Variants in PTPRM observed in about 807,000 individuals in gnomAD.
PTPRM encodes receptor-type tyrosine-protein phosphatase mu.
A neutral mutation model predicts 186.7 loss-of-function variants in PTPRM; 47 were observed. The ratio of observed to expected loss-of-function variants is 0.25; its 90% CI spans 0.20 to 0.32. The LOEUF is 0.32. Among genes scored for constraint, PTPRM ranks in the 10% least tolerant of loss-of-function variants. The pLI, the probability that PTPRM is intolerant of heterozygous loss-of-function variation, is 1.00. For synonymous variants in PTPRM, 668 were observed against 674.9 expected (o/e 0.99, Z 0.16); for missense variants, 1,494 against 1,865.0 (o/e 0.80, Z 3.66).
At chr18:8,095,555 C>T (rs940140826) in intron 11 of PTPRM, among the ~76,000 whole-genome samples, 15 of 151,852 alleles carry the variant, frequency 9.9e-5, no homozygotes, top group African/African-American at 3.6e-4. Flanking sequence ...GGATTCAGGT[C>T]AGGGAAAAAA....
At chr18:7,990,478 T>G (rs2083207116) in intron 7 of PTPRM, among the ~76,000 whole-genome samples, 1 of 152,248 alleles carries the variant, frequency 6.6e-6, no homozygotes, top group Non-Finnish European at 1.5e-5. Context: ...AATGATAGTA[T>G]TTTTGAGTGA....
chr18:8,195,152 C>CTTTTTTTTTTTTTT (rs1164451439), intron 14 of PTPRM, among the ~76,000 whole-genome samples: 1 of 117,066 alleles, frequency 8.5e-6, no homozygotes. Context: ...CTTAGAAGTT[C>CTTTTTTTTTTTTTT]TTTTTTTTTT....
intron 29 of PTPRM, among the ~76,000 whole-genome samples, chr18:8,383,839 G>A (rs1314166860): frequency 2.6e-5 from 4 of 152,198 alleles, no homozygotes; most frequent in Non-Finnish European, 4.4e-5. Context: ...CCAGCAGAGC[G>A]TGGAGATCTG....
chr18:8,209,431 C>G (rs749939552), intron 14 of PTPRM, among the ~76,000 whole-genome samples: 1 of 152,106 alleles, frequency 6.6e-6, no homozygotes, highest in Non-Finnish European at 1.5e-5. Flanking sequence ...TCAGCTTGAG[C>G]AACTACAAAG....
chr18:7,576,460 T>C (rs993937258), intron 1 of PTPRM, among the ~76,000 whole-genome samples: 4 of 152,074 alleles, frequency 2.6e-5, no homozygotes, highest in Non-Finnish European at 2.9e-5. Flanking sequence ...ACCCTTTGTA[T>C]AGTCTGTGTT....
chr18:7,663,082 A>T (rs1358088468), intron 1 of PTPRM, among the ~76,000 whole-genome samples: 1 of 151,940 alleles, frequency 6.6e-6, no homozygotes, highest in African/African-American at 2.4e-5. Context: ...CAGGACGTGG[A>T]CTCTGAGGGC....
intron 19 of PTPRM, among the ~76,000 whole-genome samples, chr18:8,281,907 A>C (rs908398303): frequency 6.6e-6 from 1 of 152,110 alleles, no homozygotes; most frequent in Non-Finnish European, 1.5e-5. Flanking sequence ...ATTCTTAGCC[A>C]TTACACCAAA....
At chr18:8,229,481 T>A (rs2094257270) in intron 14 of PTPRM, among the ~76,000 whole-genome samples, 1 of 152,224 alleles carries the variant, frequency 6.6e-6, no homozygotes, top group African/African-American at 2.4e-5. Flanking sequence ...CTTAATTTTT[T>A]AGTTCTGAAA....
intron 14 of PTPRM, among the ~76,000 whole-genome samples, chr18:8,197,100 A>G (rs546802148): frequency 6.6e-6 from 1 of 152,358 alleles, no homozygotes; most frequent in African/African-American, 2.4e-5. Flanking sequence ...GTTTATGCCC[A>G]TAAGAAATAT....
At chr18:7,892,768 G>A (rs1025791665) in intron 3 of PTPRM, among the ~76,000 whole-genome samples, 5 of 152,158 alleles carry the variant, frequency 3.3e-5, no homozygotes, top group African/African-American at 4.8e-5. Context: ...AGCATCGTCC[G>A]ATTCTGGTGA....
chr18:7,735,644 T>C (rs1001269144), intron 1 of PTPRM, among the ~76,000 whole-genome samples: 4 of 152,190 alleles, frequency 2.6e-5, no homozygotes. Flanking sequence ...CTATAAAGAA[T>C]GTCTATTAAC....
chr18:7,606,043 C>T (rs1172977768), intron 1 of PTPRM, among the ~76,000 whole-genome samples: 1 of 152,088 alleles, frequency 6.6e-6, no homozygotes, highest in Non-Finnish European at 1.5e-5. Context: ...CTTTACTGGT[C>T]TGCAGGACCA....
intron 23 of PTPRM, among the ~76,000 whole-genome samples, chr18:8,348,111 G>C (rs1332732644): frequency 6.6e-6 from 1 of 152,244 alleles, no homozygotes. Flanking sequence ...AAATCAAAAT[G>C]ACATGGTTTT....
chr18:8,394,450 C>CA (rs1288394043), intron 31 of PTPRM, 26 bp from the exon 32 acceptor site: 1 of 1,596,138 alleles, frequency 6.3e-7, no homozygotes. Context: ...AGACCGAGTG[C>CA]AGTCATCTGA....
At chr18:7,710,582 A>T (rs1375228627) in intron 1 of PTPRM, among the ~76,000 whole-genome samples, 2 of 152,176 alleles carry the variant, frequency 1.3e-5, no homozygotes, top group African/African-American at 4.8e-5. Flanking sequence ...AAAGCATCCC[A>T]ATTGGAAAAG....
At chr18:7,852,789 G>A (rs1309588262) in intron 2 of PTPRM, among the ~76,000 whole-genome samples, 1 of 152,162 alleles carries the variant, frequency 6.6e-6, no homozygotes, top group Non-Finnish European at 1.5e-5. Flanking sequence ...CCATAAGCCT[G>A]GGAGTTCGAG....
chr18:8,102,135 TA>T (rs1237686060), intron 11 of PTPRM, among the ~76,000 whole-genome samples: 2 of 152,200 alleles, frequency 1.3e-5, no homozygotes, highest in Non-Finnish European at 2.9e-5. Context: ...ACATTATTGC[TA>T]AAAGTACTGA....
At chr18:8,204,703 C>T (rs1171536414) in intron 14 of PTPRM, among the ~76,000 whole-genome samples, 1 of 151,634 alleles carries the variant, frequency 6.6e-6, no homozygotes, top group Non-Finnish European at 1.5e-5. Flanking sequence ...GGACTTGATA[C>T]AGAAAATGAC....
At chr18:8,207,224 A>G (rs1301323396) in intron 14 of PTPRM, among the ~76,000 whole-genome samples, 2 of 152,212 alleles carry the variant, frequency 1.3e-5, no homozygotes, top group African/African-American at 4.8e-5. Flanking sequence ...GACTAGAGAA[A>G]TAAAATTTGG....
Sources: gnomAD v4.1 joint callset for allele counts (sites outside exome capture counted in the v4.1 genomes callset) on GRCh38, gnomAD v4.1.1 for gene constraint, MANE v1.5 for transcripts, NCBI Gene and HGNC (gene_info 2026-07-23, HGNC 2026-07-21) for gene names.